DPEP1: variants seen among roughly 807,000 people sequenced by gnomAD.
The protein encoded by DPEP1 is dipeptidase 1.
Under a neutral mutation model 42.3 loss-of-function variants are expected in DPEP1, and 50 were observed. That is an observed-to-expected ratio of 1.18 (90% confidence interval 0.94 to 1.50). The LOEUF is 1.50. DPEP1 is among the 40% of genes most tolerant of loss of function. The pLI is 0.00. For missense variants in DPEP1, 663 were observed against 553.0 expected, an observed-to-expected ratio of 1.20 and a Z score of -1.99; for synonymous variants, 297 against 234.0, an observed-to-expected ratio of 1.27 and a Z score of -2.46.
chr16:89,622,595 C>T (rs1250013782), intron 1 of DPEP1, among the ~76,000 whole-genome samples: 3 of 152,118 alleles, frequency 2.0e-5, no homozygotes, highest in African/African-American at 7.2e-5. Context: ...ACCATCCTGG[C>T]CAACATGGTG....
intron 1 of DPEP1, among the ~76,000 whole-genome samples, chr16:89,628,839 T>G (rs2059549335): frequency 6.6e-6 from 1 of 151,996 alleles, no homozygotes; most frequent in Admixed American, 6.6e-5. Context: ...GTTTGTTTGT[T>G]TTTCTGAGAT....
Position 89,636,922 on chromosome 16 carries a change from C to T in DPEP1, c.578C>T (p.Ser193Leu), listed in dbSNP as rs1434557829. ...GDSEPQSQGL[S>L]PFGQRVVKEL... ...AGCGAGCCCCAGAGCCAAGGCTTGT[C>T]ACCCTTTGGGCAGGTGAGTGGGGTG... is the stretch of plus-strand genomic sequence containing the variant. Residue 193 changes from serine to leucine, a missense_variant, in exon 6 of 11, where the codon TCA becomes TTA. Transcript: ENST00000690203. The T allele has an allele frequency of 3.7e-6, 6 of 1,612,376 alleles. No homozygotes were observed. In the Admixed American group the frequency reaches 5.0e-5, roughly 13 times the overall value.
chr16:89,631,626 C>A (rs28635707), intron 2 of DPEP1, among the ~76,000 whole-genome samples: 1 of 152,150 alleles, frequency 6.6e-6, no homozygotes, highest in Non-Finnish European at 1.5e-5. Flanking sequence ...GAGGCCGAGG[C>A]GGGCGGATCA....
intron 1 of DPEP1, among the ~76,000 whole-genome samples, chr16:89,628,919 C>T (rs888014658): frequency 1.6e-4 from 25 of 151,812 alleles, no homozygotes; most frequent in Middle Eastern, 3.2e-3. Flanking sequence ...CTCCGCCTCC[C>T]GGGTTCAAGT....
chr16:89,621,424 G>A (rs2059445275), intron 1 of DPEP1, among the ~76,000 whole-genome samples: 1 of 152,182 alleles, frequency 6.6e-6, no homozygotes, highest in African/African-American at 2.4e-5. Context: ...GCAGATTGAG[G>A]GGCCTGTGGA....
At position 89,637,034 on chromosome 16, in the gene DPEP1, C is replaced by T. The variant is rs960946133; in HGVS notation, c.591+99C>T. 48 of 1,546,478 alleles carry T rather than the reference C, an allele frequency of 3.1e-5. No homozygotes were observed. In the African/African-American group the frequency reaches 3.1e-4, roughly 10 times the overall value. Reference sequence around the variant, plus strand: ...TCTCCTCACGTGGGACCTCAGTGTCCTTGTCTGTAAAATGGAGCTGGCAGC... The same window carrying T: ...TCTCCTCACGTGGGACCTCAGTGTCTTTGTCTGTAAAATGGAGCTGGCAGC... On this transcript the variant is annotated intron_variant, in intron 6 of 10. Coordinates refer to ENST00000690203, the MANE Select transcript of DPEP1 (RefSeq NM_001389466.1).
chr16:89,637,688 G>A lies in DPEP1; in HGVS notation c.910G>A (p.Asp304Asn), dbSNP rs750273023. 5 of 1,612,998 alleles carry A rather than the reference G, an allele frequency of 3.1e-6. No homozygotes were observed. The highest frequency in any genetic ancestry group is 4.2e-6 in the Non-Finnish European group (5 of 1,179,990). Residue 304 changes from aspartate to asparagine, a missense_variant, in exon 9 of 11, where the codon GAC becomes AAC. Transcript: ENST00000690203. ...AGCCAGAGCCGTGGGTTTTGGTGGG[G>A]ACTTTGATGGTGTTCCAAGGTAAGG... is the stretch of plus-strand genomic sequence containing the variant. ...AGARAVGFGG[D>N]FDGVPRVPEG...
intron 2 of DPEP1, among the ~76,000 whole-genome samples, chr16:89,635,405 A>T (rs1597771089): frequency 6.6e-6 from 1 of 152,136 alleles, no homozygotes; most frequent in East Asian, 1.9e-4. Context: ...TGTACTCGAC[A>T]CCCTGCTCCC....
chr16:89,631,207 G>T (rs554395449), intron 2 of DPEP1, among the ~76,000 whole-genome samples: 2 of 152,232 alleles, frequency 1.3e-5, no homozygotes, highest in South Asian at 2.1e-4. Context: ...TTGGGCCCTT[G>T]CCTGTGCTGC....
upstream of DPEP1, chr16:89,613,530 C>A (rs2059350666): frequency 6.6e-6 from 1 of 152,416 alleles, no homozygotes; most frequent in African/African-American, 2.4e-5. Context: ...TCCCCTCCTC[C>A]ATTTCCCTCC....
intron 1 of DPEP1, among the ~76,000 whole-genome samples, chr16:89,616,543 C>G (rs1292459297): frequency 6.6e-6 from 1 of 152,206 alleles, no homozygotes; most frequent in Non-Finnish European, 1.5e-5. Context: ...GCGATTGCTC[C>G]ACCAGAATGT....
At chr16:89,631,473 T>C (rs1490786391) in intron 2 of DPEP1, among the ~76,000 whole-genome samples, 2 of 152,200 alleles carry the variant, frequency 1.3e-5, no homozygotes, top group Non-Finnish European at 2.9e-5. Context: ...GTGTCTGGCA[T>C]GGTGTCTCCA....
At chr16:89,615,577 C>T (rs1471769640) in intron 1 of DPEP1, among the ~76,000 whole-genome samples, 1 of 152,202 alleles carries the variant, frequency 6.6e-6, no homozygotes, top group African/African-American at 2.4e-5. Flanking sequence ...GCTCCGAGCA[C>T]CTGCTCAGCC....
At chr16:89,627,410 C>G (rs1426415190) in intron 1 of DPEP1, among the ~76,000 whole-genome samples, 1 of 151,598 alleles carries the variant, frequency 6.6e-6, no homozygotes, top group Non-Finnish European at 1.5e-5. Flanking sequence ...TGATGAAACC[C>G]TGTCTCTACT....
intron 1 of DPEP1, among the ~76,000 whole-genome samples, chr16:89,625,310 TGCAGAGAGGGAG>T (rs1300672350): frequency 5.3e-5 from 8 of 152,126 alleles, no homozygotes; most frequent in African/African-American, 1.9e-4. Context: ...GGGCATCACG[TGCAGAGAGGGAG>T]GCAGAGAGTG....
intron 1 of DPEP1, among the ~76,000 whole-genome samples, chr16:89,622,380 T>C (rs189060074): frequency 1.9e-4 from 29 of 152,158 alleles, no homozygotes; most frequent in African/African-American, 6.7e-4. Context: ...ACCCTGAACC[T>C]TTCCCACCGC....
At position 89,614,954 on chromosome 16, in the gene DPEP1, C is replaced by G. The variant is rs572228450; in HGVS notation, c.-107+1235C>G. On this transcript the variant is annotated intron_variant, in intron 1 of 10. Coordinates refer to ENST00000690203, the MANE Select transcript of DPEP1 (RefSeq NM_001389466.1). ...GCAGAACCTACTTCGGCCAATGGCT[C>G]TTACACAGCCAAGCTATTTTCATGG... Among the ~76,000 whole-genome samples the G allele has an allele frequency of 6.6e-5, 10 of 152,266 alleles. No individual in the cohort carries two copies. In the South Asian group the frequency reaches 1.4e-3, roughly 22 times the overall value.
chr16:89,637,970 A>G lies in DPEP1; in HGVS notation c.1064A>G (p.Gln355Arg), dbSNP rs562510038. 3 of 1,608,426 alleles carry G rather than the reference A, an allele frequency of 1.9e-6. No individual in the cohort carries two copies. The highest frequency in any genetic ancestry group is 1.3e-5 in the African/African-American group (1 of 74,926). Residue 355 changes from glutamine (Q) to arginine (R), a missense_variant and splice_region_variant, in exon 10 of 11, where the codon CAG (glutamine) becomes CGG (arginine). Coordinates refer to ENST00000690203, the MANE Select transcript of DPEP1 (RefSeq NM_001389466.1). The stretch of plus-strand genomic sequence containing the variant: ...CTGAGGGTCTTCGAGGCTGTGGAAC[A>G]GGTGAGGATGGGGTGGCCACCTGAG... ...NLLRVFEAVEQASNLTQAPEE... is the reference protein window; with the variant it reads ...NLLRVFEAVERASNLTQAPEE...
Position 89,637,638 on chromosome 16 carries a change from T to A in DPEP1, c.860T>A (p.Leu287Gln). ...CCTGCTGCTCCCTGGACAGACCATC[T>A]GGATCACATCAAGGAGGTGGCAGGA... ...KANLSQVADH[L>Q]DHIKEVAGAR... is the part of the protein sequence containing the mutation. Residue 287 changes from leucine to glutamine, a missense_variant, in exon 9 of 11, where the codon CTG (leucine) becomes CAG (glutamine). Transcript: ENST00000690203. The A allele has an allele frequency of 6.2e-7, 1 of 1,612,978 alleles. No individual in the cohort carries two copies. Among genetic ancestry groups the A allele is most frequent in the Non-Finnish European group, 8.5e-7 (1 of 1,179,984 alleles).
Sources: gnomAD v4.1 joint callset for allele counts (sites outside exome capture counted in the v4.1 genomes callset) on GRCh38, gnomAD v4.1.1 for gene constraint, MANE v1.5 for transcripts, NCBI Gene and HGNC (gene_info 2026-07-23, HGNC 2026-07-21) for gene names.